Variants in GSR observed in about 807,000 individuals in gnomAD.
GSR encodes glutathione-disulfide reductase, also known as glutathione reductase, mitochondrial.
Under a neutral mutation model 56.5 loss-of-function variants are expected in GSR, and 48 were observed. That is an observed-to-expected ratio of 0.85 (90% CI 0.67 to 1.08). The LOEUF is 1.08. Among genes scored for constraint, GSR ranks in the 50% least tolerant of loss-of-function variants. The pLI, the probability that GSR is intolerant of heterozygous loss-of-function variation, is 0.00. For synonymous variants in GSR, 264 were observed against 270.8 expected, an observed-to-expected ratio of 0.97 and a Z score of 0.25; for missense variants, 694 against 703.3, an observed-to-expected ratio of 0.99 and a Z score of 0.15.
Position 30,727,575 on chromosome 8 carries a change from A to T in GSR, c.261T>A (p.Gly87=). ...LASARRAAEL[G]ARAAVVESHK... is the part of the protein sequence containing the mutation. Reference sequence around the variant, plus strand: ...GGCTCTCCACCACGGCGGCCCTGGCACCCAGCTCGGCCGCCCTGCGCGCGC... The same window carrying T: ...GGCTCTCCACCACGGCGGCCCTGGCTCCCAGCTCGGCCGCCCTGCGCGCGC... Residue 87 remains glycine, a synonymous_variant, in exon 1 of 13, where the codon GGT becomes GGA. Coordinates refer to ENST00000221130, the MANE Select transcript of GSR (RefSeq NM_000637.5). 1 of 1,533,324 alleles carries T rather than the reference A, an allele frequency of 6.5e-7. No homozygotes were observed. Among genetic ancestry groups the T allele is most frequent in the Non-Finnish European group, 8.7e-7 (1 of 1,144,310 alleles). 95.0% of individuals were successfully genotyped at this position (1,533,324 alleles called of 1,614,324 possible).
intron 7 of GSR, 53 bp from the exon 8 acceptor site, chr8:30,693,108 G>T: frequency 9.2e-7 from 1 of 1,088,464 alleles, no homozygotes; most frequent in Non-Finnish European, 1.4e-6. Context: ...CTTGAGCAAA[G>T]ACACACCACA....
chr8:30,688,166 C>CA (rs1180283357), intron 9 of GSR, among the ~76,000 whole-genome samples: 19 of 152,194 alleles, frequency 1.2e-4, no homozygotes, highest in Non-Finnish European at 2.5e-4. Context: ...GACAGTTACC[C>CA]ACCCAGCAAT....
chr8:30,682,804 TATTATTATTATC>T (rs1267871860), intron 10 of GSR, among the ~76,000 whole-genome samples: 2 of 151,564 alleles, frequency 1.3e-5, no homozygotes, highest in Admixed American at 1.3e-4. Context: ...CTAGAATCTT[TATTATTATTATC>T]ATTATTATTA....
At chr8:30,713,888 C>T (rs1040836933) in intron 1 of GSR, among the ~76,000 whole-genome samples, 2 of 152,042 alleles carry the variant, frequency 1.3e-5, no homozygotes, top group Non-Finnish European at 2.9e-5. Flanking sequence ...TTGGTGATAA[C>T]GGGTAACTAC....
intron 1 of GSR, among the ~76,000 whole-genome samples, chr8:30,724,544 CTT>C (rs56145808): frequency 2.4e-5 from 2 of 84,626 alleles, no homozygotes; most frequent in African/African-American, 4.9e-5. Context: ...AACCCCCCAC[CTT>C]TTTTTTTTTT....
chr8:30,700,536 CA>C (rs1803694160), intron 5 of GSR, among the ~76,000 whole-genome samples: 1 of 151,682 alleles, frequency 6.6e-6, no homozygotes, highest in Non-Finnish European at 1.5e-5. Context: ...GTGGCCTGGC[CA>C]ACGTGGTGAA....
intron 2 of GSR, among the ~76,000 whole-genome samples, chr8:30,711,003 C>G (rs1441398880): frequency 6.6e-6 from 1 of 151,922 alleles, no homozygotes; most frequent in Non-Finnish European, 1.5e-5. Flanking sequence ...TGCATGGCTC[C>G]AAGTAGAACA....
At chr8:30,700,319 T>C (rs939109489) in intron 5 of GSR, among the ~76,000 whole-genome samples, 184 bp from the exon 6 acceptor site, 1 of 152,094 alleles carries the variant, frequency 6.6e-6, no homozygotes, top group Non-Finnish European at 1.5e-5. Flanking sequence ...CATTTTTATT[T>C]TCTCTCTAGA....
At chr8:30,695,665 C>A (rs1438129227) in intron 7 of GSR, among the ~76,000 whole-genome samples, 5 of 152,156 alleles carry the variant, frequency 3.3e-5, no homozygotes, top group African/African-American at 1.2e-4. Flanking sequence ...TGCTTTAATG[C>A]AAAGAATTTA....
At chr8:30,705,544 G>A (rs1387242939) in intron 4 of GSR, among the ~76,000 whole-genome samples, 5 of 152,068 alleles carry the variant, frequency 3.3e-5, no homozygotes, top group Non-Finnish European at 7.3e-5. Flanking sequence ...TTACAGGTGT[G>A]AGCCACCGCG....
In GSR at chr8:30,709,420, G is replaced by C. The variant is rs182711649; in HGVS notation, c.422+394C>G. Among the ~76,000 whole-genome samples the C allele has an allele frequency of 3.9e-5, 6 of 152,116 alleles. No individual in the cohort carries two copies. In the East Asian group the frequency reaches 1.2e-3, roughly 29 times the overall value. On this transcript the variant is annotated intron_variant, in intron 3 of 12. Transcript: ENST00000221130. ...ATACATACTACAACATGGACAAACC[G>C]TGAAAACAAAATACACTAGACATAA...
intron 1 of GSR, among the ~76,000 whole-genome samples, chr8:30,713,630 A>G (rs1468166532): frequency 6.6e-6 from 1 of 152,248 alleles, no homozygotes; most frequent in Non-Finnish European, 1.5e-5. Flanking sequence ...AAGTGCTGGA[A>G]TTACAGGCAT....
Position 30,700,016 on chromosome 8 carries a change from G to A in GSR, c.695+65C>T, listed in dbSNP as rs534523761. 6.2e-5 allele frequency: 73 copies of A among 1,172,470 alleles called. No homozygotes were observed. The South Asian group carries it at 7.8e-4, about 12-fold the overall frequency. The allele number at this position is 1,172,470 out of a possible 1,614,324, so 72.6% of individuals were successfully genotyped here. A position where few individuals can be genotyped will look rare whatever the true frequency, so the allele number is the denominator to read the frequency against. On this transcript the variant is annotated intron_variant, in intron 6 of 12. Coordinates refer to ENST00000221130, the MANE Select transcript of GSR (RefSeq NM_000637.5). ...CATTAAATGCTTGGGAGGAGAAGAC[G>A]AAGAAAAGTTACCAGGAGACAGTAA...
At chr8:30,685,085 G>C (rs8191020) in intron 9 of GSR, among the ~76,000 whole-genome samples, 1 of 151,678 alleles carries the variant, frequency 6.6e-6, no homozygotes, top group Non-Finnish European at 1.5e-5. Context: ...TCAGCCTCCC[G>C]AGTAGCTGGG....
In GSR at chr8:30,680,201, T is replaced by C. The variant is rs8191036; in HGVS notation, c.1420-532A>G. Among the ~76,000 whole-genome samples the C allele has an allele frequency of 9.3e-4, 141 of 152,196 alleles. 1 individual carries two copies. The South Asian group carries it at 0.012, about 13-fold the overall frequency. On this transcript the variant is annotated intron_variant, in intron 12 of 12. Transcript: ENST00000221130. ...TCAATATCCAGAAATCATAGGCTAC[T>C]GAGGAATGTTCATGGCACCACCATG...
intron 4 of GSR, 26 bp downstream of exon 4, chr8:30,708,045 TC>T: frequency 1.3e-6 from 2 of 1,534,126 alleles, no homozygotes; most frequent in Non-Finnish European, 1.8e-6. Flanking sequence ...CAGCTCTTTC[TC>T]AAAGTTAAAA....
intron 8 of GSR, 123 bp from the exon 9 acceptor site, chr8:30,689,442 A>G: frequency 1.2e-6 from 1 of 816,508 alleles, no homozygotes; most frequent in Non-Finnish European, 2.1e-6. Flanking sequence ...TGAATCCCAC[A>G]TACAAAGATA....
intron 2 of GSR, among the ~76,000 whole-genome samples, chr8:30,710,578 G>T (rs1804094629): frequency 1.3e-5 from 2 of 150,236 alleles, no homozygotes; most frequent in South Asian, 4.2e-4. Context: ...AAATTAGCCA[G>T]GCATGGTGAT....
At chr8:30,685,279 G>T (rs1007050613) in intron 9 of GSR, among the ~76,000 whole-genome samples, 5 of 151,984 alleles carry the variant, frequency 3.3e-5, no homozygotes, top group African/African-American at 1.2e-4. Context: ...TTTTTTTATA[G>T]AATAGGTCTT....
Sources: gnomAD v4.1 joint callset for allele counts (sites outside exome capture counted in the v4.1 genomes callset) on GRCh38, gnomAD v4.1.1 for gene constraint, MANE v1.5 for transcripts, NCBI Gene and HGNC (gene_info 2026-07-23, HGNC 2026-07-21) for gene names.